Variants in PTPN18 observed in about 807,000 individuals in gnomAD.
PTPN18 encodes the protein tyrosine-protein phosphatase non-receptor type 18.
A neutral mutation model predicts 65.4 loss-of-function variants in PTPN18; 65 were observed. That is an observed-to-expected ratio of 0.99 (90% CI 0.81 to 1.22). PTPN18 has a LOEUF of 1.22. Among genes scored for constraint, PTPN18 ranks in the 50% most tolerant of loss-of-function variants. The pLI, the probability that PTPN18 is intolerant of heterozygous loss-of-function variation, is 0.00. For missense variants in PTPN18, 616 were observed against 646.5 expected, an observed-to-expected ratio of 0.95 and a Z score of 0.51; for synonymous variants, 255 against 267.8, an observed-to-expected ratio of 0.95 and a Z score of 0.47.
chr2:130,372,572 G>T (rs1680609125), intron 13 of PTPN18, 89 bp downstream of exon 13: 1 of 1,372,566 alleles, frequency 7.3e-7, no homozygotes, highest in African/African-American at 1.5e-5. Flanking sequence ...AGGCCCTGGC[G>T]GCCGCGGGGA....
chr2:130,370,981 C>G lies in PTPN18; in HGVS notation c.924+17C>G. ...ATCAAAGAGGTACAGAGGCTCCTTT[C>G]CCACTCTCCTGTCCACCATCAGCAC... On this transcript the variant is annotated intron_variant, in intron 11 of 14. Transcript: ENST00000175756. The G allele has an allele frequency of 1.2e-6, 2 of 1,609,148 alleles. No homozygotes were observed. Among genetic ancestry groups the G allele is most frequent in the Non-Finnish European group, 1.7e-6 (2 of 1,175,940 alleles).
rs373907034 is a variant in PTPN18, at chr2:130,359,595, C to G, written c.376-13C>G. On this transcript the variant is annotated splice_polypyrimidine_tract_variant and intron_variant, in intron 4 of 14. Coordinates refer to ENST00000175756, the MANE Select transcript of PTPN18 (RefSeq NM_014369.4). ...CCAAATCACCTTCCTCTCCCCTGACCCTCCTTGTCTAGGTGATCCTGATGG... is the reference window on the plus strand; with the variant it reads ...CCAAATCACCTTCCTCTCCCCTGACGCTCCTTGTCTAGGTGATCCTGATGG... 6.2e-7 allele frequency: 1 copy of G among 1,614,034 alleles called. No individual in the cohort carries two copies. The highest frequency in any genetic ancestry group is 1.6e-4 in the Middle Eastern group (1 of 6,062).
chr2:130,369,771 G>A lies in PTPN18; in HGVS notation c.490G>A (p.Glu164Lys), dbSNP rs751420086. The A allele has an allele frequency of 6.3e-7, 1 of 1,595,880 alleles. No individual in the cohort carries two copies. Among genetic ancestry groups the A allele is most frequent in the African/African-American group, 1.3e-5 (1 of 74,416 alleles). ...TGLFCITLIK[E>K]KWLNEDIMLR... Reference sequence around the variant, plus strand: ...CCCCACCCCCCTTACTCAGATAAAGGAGAAGTGGCTGAATGAGGACATCAT... The same window carrying A: ...CCCCACCCCCCTTACTCAGATAAAGAAGAAGTGGCTGAATGAGGACATCAT... Residue 164 changes from glutamate (E) to lysine (K), a missense_variant, in exon 7 of 15, where the codon GAG becomes AAG. By Grantham distance (56) the Glu-to-Lys change is moderately conservative. Coordinates refer to ENST00000175756, the MANE Select transcript of PTPN18 (RefSeq NM_014369.4).
Position 130,358,891 on chromosome 2 carries a change from T to A in PTPN18, c.118T>A (p.Trp40Arg), listed in dbSNP as rs776321055. The change falls in exon 2 of 15, where the codon TGG (tryptophan) becomes AGG (arginine). Residue 40 changes from tryptophan to arginine, a missense_variant. By Grantham distance (101) the Trp-to-Arg change is moderately radical. This residue lies in a region of PTPN18 where 223 missense variants were observed against 210.0 expected (regional missense o/e 1.06). Coordinates refer to ENST00000175756, the MANE Select transcript of PTPN18 (RefSeq NM_014369.4). Reference sequence around the variant, plus strand: ...GGACATCCAGGCCTGCTCGGCCGCCTGGAAGGCTGACGGCGTGTGCTCCAC... The same window carrying A: ...GGACATCCAGGCCTGCTCGGCCGCCAGGAAGGCTGACGGCGTGTGCTCCAC... ...FSDIQACSAAWKADGVCSTVA... is the reference protein window; with the variant it reads ...FSDIQACSAARKADGVCSTVA... The A allele has an allele frequency of 6.2e-7, 1 of 1,613,694 alleles. No homozygotes were observed. Among genetic ancestry groups the A allele is most frequent in the Non-Finnish European group, 8.5e-7 (1 of 1,179,658 alleles).
intron 1 of PTPN18, among the ~76,000 whole-genome samples, chr2:130,356,846 A>G (rs1679990286): frequency 6.6e-6 from 1 of 152,236 alleles, no homozygotes; most frequent in Non-Finnish European, 1.5e-5. Context: ...AAAAGCACTT[A>G]GTACATATTG....
rs982599922 is a variant in PTPN18, at chr2:130,356,216, G to A, written c.93+16G>A. ...CGAGTTCAGCGTGAGTGGCACACGGGGTCCGCGAGCGGCGCGCCCCGGCCC... is the reference window on the plus strand; with the variant it reads ...CGAGTTCAGCGTGAGTGGCACACGGAGTCCGCGAGCGGCGCGCCCCGGCCC... On this transcript the variant is annotated intron_variant, in intron 1 of 14. Transcript: ENST00000175756. 7.6e-6 allele frequency: 10 copies of A among 1,320,634 alleles called. No homozygotes were observed. Among genetic ancestry groups the A allele is most frequent in the South Asian group, 2.0e-5 (1 of 49,532 alleles). The allele number at this position is 1,320,634 out of a possible 1,614,324, so 81.8% of individuals were successfully genotyped here. A position where few individuals can be genotyped will look rare whatever the true frequency, so the allele number is the denominator to read the frequency against.
rs1454305669 is a variant in PTPN18 at position 130,361,529 on chromosome 2, T to TCC, written c.414+1884_414+1885insCC. 5.3e-5 allele frequency among the ~76,000 whole-genome samples: 7 copies of TCC among 132,836 alleles called. 1 individual carries two copies. The highest frequency in any genetic ancestry group is 1.9e-4 in the African/African-American group (6 of 31,172). The allele number at this position is 132,836 out of a possible 152,430, so 87.1% of individuals were successfully genotyped here. A position where few individuals can be genotyped will look rare whatever the true frequency, so the allele number is the denominator to read the frequency against. ...TTTTCTTTCTCTTTCTTTCTTTCTT[T>TCC]CTTTCTTTCTTTCTTTCTTTCTTTC... On this transcript the variant is annotated intron_variant, in intron 5 of 14. Coordinates refer to ENST00000175756, the MANE Select transcript of PTPN18 (RefSeq NM_014369.4).
chr2:130,356,097 C>A lies in PTPN18; in HGVS notation c.-11C>A. 1 of 1,292,170 alleles carries A rather than the reference C, an allele frequency of 7.7e-7. No individual in the cohort carries two copies. Among genetic ancestry groups the A allele is most frequent in the South Asian group, 2.3e-5 (1 of 43,428 alleles). 80.0% of individuals were successfully genotyped at this position (1,292,170 alleles called of 1,614,324 possible). A position where few individuals can be genotyped will look rare whatever the true frequency, so the allele number is the denominator to read the frequency against. ...CGGCGGCCGGGCTGGACCTTGCTGG[C>A]CCGCGGCGCCATGAGCCGCAGCCTG... On this transcript the variant is annotated 5_prime_UTR_variant, in exon 1 of 15. Coordinates refer to ENST00000175756, the MANE Select transcript of PTPN18 (RefSeq NM_014369.4).
At chr2:130,357,285 G>A (rs1680004153) in intron 1 of PTPN18, among the ~76,000 whole-genome samples, 1 of 152,168 alleles carries the variant, frequency 6.6e-6, no homozygotes, top group East Asian at 1.9e-4. Context: ...GAAGGCTCAC[G>A]CAGAATGCTA....
chr2:130,360,951 A>G (rs181653533), intron 5 of PTPN18, among the ~76,000 whole-genome samples: 4 of 151,408 alleles, frequency 2.6e-5, no homozygotes, highest in Non-Finnish European at 5.9e-5. Flanking sequence ...CCTGCCCCAG[A>G]CTCCTGAGTA....
intron 1 of PTPN18, chr2:130,356,664 G>A (rs1558839042): frequency 4.3e-6 from 2 of 464,204 alleles, no homozygotes; most frequent in East Asian, 7.1e-5. Flanking sequence ...GGGTGTGAAC[G>A]CCGGGCTCGA....
chr2:130,370,998 C>T (rs1319331826), intron 11 of PTPN18, 34 bp downstream of exon 11: 1 of 1,596,100 alleles, frequency 6.3e-7, no homozygotes, highest in Non-Finnish European at 8.6e-7. Context: ...TCCTGTCCAC[C>T]ATCAGCACCC....
rs1387010500 is a variant in PTPN18, at chr2:130,359,252, C to T, written c.222C>T (p.Ile74=). Reference sequence around the variant, plus strand: ...TGACAGATGATCAGACGCGAGTAATCCTCTCCCTGCTCCAGGAAGAGGGAC... The same window carrying T: ...TGACAGATGATCAGACGCGAGTAATTCTCTCCCTGCTCCAGGAAGAGGGAC... ...DVLPYDQTRV[I]LSLLQEEGHS... Residue 74 remains isoleucine, a synonymous_variant, in exon 3 of 15, where the codon ATC becomes ATT. Coordinates refer to ENST00000175756, the MANE Select transcript of PTPN18 (RefSeq NM_014369.4). 1.2e-6 allele frequency: 2 copies of T among 1,614,120 alleles called. No individual in the cohort carries two copies. Among genetic ancestry groups the T allele is most frequent in the Non-Finnish European group, 1.7e-6 (2 of 1,180,048 alleles).
In PTPN18 at chr2:130,365,946, T is replaced by G. The variant is rs1417223902; in HGVS notation, c.415-3187T>G. 1.3e-5 allele frequency among the ~76,000 whole-genome samples: 2 copies of G among 152,232 alleles called. 1 individual carries two copies. The highest frequency in any genetic ancestry group is 6.3e-3 in the Middle Eastern group (2 of 316). On this transcript the variant is annotated intron_variant, in intron 5 of 14. Coordinates refer to ENST00000175756, the MANE Select transcript of PTPN18 (RefSeq NM_014369.4). ...ATTGATGTGTTTATCCTTGTGCCAG[T>G]GTAACATAGTTTTGATTATTATACC...
At chr2:130,366,748 CACTT>C (rs1406004328) in intron 5 of PTPN18, among the ~76,000 whole-genome samples, 2 of 152,092 alleles carry the variant, frequency 1.3e-5, no homozygotes, top group South Asian at 2.1e-4. Context: ...TACATTTAGC[CACTT>C]ACTTTTCTCC....
chr2:130,363,066 A>T (rs1466169004), intron 5 of PTPN18, among the ~76,000 whole-genome samples: 6 of 150,200 alleles, frequency 4.0e-5, no homozygotes, highest in African/African-American at 1.5e-4. Flanking sequence ...TGATCCGCCC[A>T]CCTCAGCCTC....
chr2:130,364,222 C>A (rs1010790551), intron 5 of PTPN18, among the ~76,000 whole-genome samples: 5 of 152,140 alleles, frequency 3.3e-5, no homozygotes, highest in Non-Finnish European at 7.3e-5. Context: ...AACAATAACT[C>A]CCCATTCCCC....
intron 14 of PTPN18, 34 bp downstream of exon 14, chr2:130,372,981 T>C (rs747888024): frequency 1.9e-6 from 3 of 1,612,592 alleles, no homozygotes; most frequent in Non-Finnish European, 2.5e-6. Context: ...GCTGGGACTT[T>C]GCTGCTTTGA....
intron 5 of PTPN18, among the ~76,000 whole-genome samples, chr2:130,368,536 T>G (rs1680457482): frequency 6.6e-6 from 1 of 152,236 alleles, no homozygotes; most frequent in Non-Finnish European, 1.5e-5. Context: ...ATCCTACAGA[T>G]CCCTACTATT....
Sources: gnomAD v4.1 joint callset for allele counts (sites outside exome capture counted in the v4.1 genomes callset) on GRCh38, gnomAD v4.1.1 for gene constraint, gnomAD v4.1.1 regional missense constraint, MANE v1.5 for transcripts, NCBI Gene and HGNC (gene_info 2026-07-23, HGNC 2026-07-21) for gene names.